The following NOC2L variants were observed in gnomAD, a reference collection of about 807,000 sequenced individuals.
NOC2L encodes the protein nucleolar complex protein 2 homolog.
In NOC2L, 101 loss-of-function variants were observed where a neutral mutation model predicts 94.2. That is an observed-to-expected ratio of 1.07 (90% CI 0.91 to 1.26). The LOEUF is 1.26. Ranked by LOEUF, NOC2L falls within the 50% of genes most tolerant of loss-of-function variation. The pLI is 0.00. For missense variants in NOC2L, 1,076 were observed against 980.1 expected, an observed-to-expected ratio of 1.10 and a Z score of -1.31; for synonymous variants, 531 against 413.4, an observed-to-expected ratio of 1.28 and a Z score of -3.45.
chr1:948,472 C>A lies in NOC2L; in HGVS notation c.1557+18G>T. ...CCCTGGGAACTGCCCAGGCCCCTCC[C>A]CAGGAGGCCAGCCTCACCCGGTACG... On this transcript the variant is annotated intron_variant, in intron 13 of 18. Transcript: ENST00000327044. 1 of 1,593,202 alleles carries A rather than the reference C, an allele frequency of 6.3e-7. No individual in the cohort carries two copies. The highest frequency in any genetic ancestry group is 8.6e-7 in the Non-Finnish European group (1 of 1,161,930).
intron 2 of NOC2L, 87 bp from the exon 3 acceptor site, chr1:957,360 C>A: frequency 1.5e-6 from 2 of 1,324,030 alleles, no homozygotes; most frequent in Non-Finnish European, 2.1e-6. Flanking sequence ...ACTCCCTTCA[C>A]AAGGGTTACC....
chr1:945,318 G>A (rs1259241348), intron 17 of NOC2L, 172 bp from the exon 18 acceptor site: 10 of 975,220 alleles, frequency 1.0e-5, no homozygotes, highest in African/African-American at 3.3e-5. Context: ...TGGGGACAGA[G>A]TTACCAATCC....
At chr1:958,832 C>T (rs1421796930) in intron 2 of NOC2L, 97 bp downstream of exon 2, 1 of 1,298,928 alleles carries the variant, frequency 7.7e-7, no homozygotes, top group African/African-American at 1.5e-5. Flanking sequence ...GTCGGCGATC[C>T]TTAGGCCTTG....
At chr1:954,968 G>A (rs557999688) in intron 6 of NOC2L, among the ~76,000 whole-genome samples, 1 of 152,226 alleles carries the variant, frequency 6.6e-6, no homozygotes, top group Admixed American at 6.5e-5. Flanking sequence ...CCCCGTCCTC[G>A]ACCCTCCTCA....
intron 12 of NOC2L, among the ~76,000 whole-genome samples, chr1:949,747 C>G (rs1464270192): frequency 6.6e-6 from 1 of 152,192 alleles, no homozygotes; most frequent in Non-Finnish European, 1.5e-5. Context: ...AGGCCAAGGG[C>G]TGGGCAATCA....
chr1:951,929 C>CGTG, intron 11 of NOC2L, 71 bp downstream of exon 11: 1 of 1,535,508 alleles, frequency 6.5e-7, no homozygotes, highest in Non-Finnish European at 8.8e-7. Context: ...GCCAGAGGCA[C>CGTG]CGCCCACACA....
intron 12 of NOC2L, among the ~76,000 whole-genome samples, chr1:949,563 G>GT (rs1642198657): frequency 6.6e-6 from 1 of 152,230 alleles, no homozygotes; most frequent in Non-Finnish European, 1.5e-5. Flanking sequence ...GCATCCCTGC[G>GT]TGAGAGGGGC....
intron 4 of NOC2L, among the ~76,000 whole-genome samples, 191 bp from the exon 5 acceptor site, chr1:956,406 G>GA (rs1480164728): frequency 2.0e-5 from 3 of 152,174 alleles, no homozygotes. Flanking sequence ...GAAGAGGAGG[G>GA]AGTCTGGCTC....
At chr1:958,845 C>T (rs1246037846) in intron 2 of NOC2L, 84 bp downstream of exon 2, 3 of 1,450,682 alleles carry the variant, frequency 2.1e-6, no homozygotes, top group East Asian at 4.5e-5. Context: ...AGGCCTTGGC[C>T]CTGAGACCCC....
intron 14 of NOC2L, 93 bp downstream of exon 14, chr1:948,038 C>T (rs1452803062): frequency 1.4e-5 from 14 of 1,009,728 alleles, no homozygotes; most frequent in South Asian, 6.0e-5. Flanking sequence ...CCCAGGTACC[C>T]GGGACAAGGG....
At chr1:946,847 CAGGAGTTCA>C in intron 14 of NOC2L, 1 of 267,936 alleles carries the variant, frequency 3.7e-6, no homozygotes, top group Non-Finnish European at 7.3e-6. Context: ...CACCTGAGGT[CAGGAGTTCA>C]AGACCAGCCT....
intron 18 of NOC2L, 89 bp from the exon 19 acceptor site, chr1:944,889 C>G: frequency 7.6e-7 from 1 of 1,319,390 alleles, no homozygotes; most frequent in Non-Finnish European, 1.1e-6. Context: ...AATCACGGCA[C>G]TAATTAATTT....
intron 13 of NOC2L, 125 bp from the exon 14 acceptor site, chr1:948,357 TG>T: frequency 9.5e-7 from 1 of 1,048,688 alleles, no homozygotes; most frequent in Non-Finnish European, 1.4e-6. Flanking sequence ...AAGGGGCTCC[TG>T]GGCCCCAGCC....
chr1:948,033 G>A (rs759768943), intron 14 of NOC2L, 98 bp downstream of exon 14: 291 of 945,938 alleles, frequency 3.1e-4, no homozygotes, highest in Non-Finnish European at 4.3e-4. Context: ...CCAGTCCCAG[G>A]TACCCGGGAC....
chr1:956,938 G>A lies in NOC2L; in HGVS notation c.442C>T (p.Pro148Ser), dbSNP rs376538715. 6.8e-6 allele frequency: 11 copies of A among 1,614,090 alleles called. No individual in the cohort carries two copies. Among genetic ancestry groups the A allele is most frequent in the East Asian group, 4.5e-5 (2 of 44,888 alleles). ...CTCTCAACCATGGCGACGGTCACAG[G>A]AACAGAATTCTTCTTCCCCTTCAGC... ...RGLKGKKNSVPVTVAMVERWK... is the reference protein window; with the variant it reads ...RGLKGKKNSVSVTVAMVERWK... Residue 148 changes from proline to serine, a missense_variant, in exon 4 of 19, where the codon CCT (proline) becomes TCT (serine). This residue lies in a region of NOC2L where 457 missense variants were observed against 386.0 expected (regional missense o/e 1.18). Transcript: ENST00000327044.
intron 17 of NOC2L, 96 bp from the exon 18 acceptor site, chr1:945,242 CCTTCCCTCCGCTGA>C: frequency 7.0e-7 from 1 of 1,436,088 alleles, no homozygotes; most frequent in African/African-American, 1.4e-5. Context: ...CTCCCAACAC[CCTTCCCTCCGCTGA>C]CTTCCAGCAG....
intron 17 of NOC2L, 102 bp from the exon 18 acceptor site, chr1:945,248 C>T: frequency 7.1e-7 from 1 of 1,401,782 alleles, no homozygotes; most frequent in South Asian, 1.4e-5. Context: ...ACACCCTTCC[C>T]TCCGCTGACT....
chr1:958,369 C>T, intron 2 of NOC2L: 2 of 277,738 alleles, frequency 7.2e-6, no homozygotes, highest in Non-Finnish European at 1.4e-5. Context: ...TCTCCTGCCT[C>T]AGCCTCCCGA....
chr1:945,205 C>T, intron 17 of NOC2L, 59 bp from the exon 18 acceptor site: 1 of 1,540,970 alleles, frequency 6.5e-7, no homozygotes, highest in East Asian at 2.4e-5. Context: ...CCAGCAAAGT[C>T]ACAGTGGGGG....
Sources: allele counts gnomAD v4.1 joint callset (sites outside exome capture counted in the v4.1 genomes callset), GRCh38; gene constraint gnomAD v4.1.1; regional missense constraint gnomAD v4.1.1; transcripts MANE v1.5; gene names NCBI Gene and HGNC (gene_info 2026-07-23, HGNC 2026-07-21).